Variants in PLA2G5 observed in about 807,000 individuals in gnomAD.
PLA2G5 encodes the protein phospholipase A2 group V.
A neutral mutation model predicts 15.9 loss-of-function variants in PLA2G5; 12 were observed. The observed-to-expected ratio is 0.76, with a 90% CI of 0.48 to 1.23. The LOEUF is 1.23. Ranked by LOEUF, PLA2G5 falls within the 50% of genes most tolerant of loss-of-function variation. The pLI is 0.00. For missense variants in PLA2G5, 169 were observed against 177.1 expected (o/e 0.95, Z 0.26); for synonymous variants, 71 against 71.4 (o/e 0.99, Z 0.03).
rs2016543561 is a variant in PLA2G5 at position 20,091,043 on chromosome 1, A to G, written c.*351A>G. The G allele has an allele frequency of 5.0e-6, 1 of 198,714 alleles. No individual in the cohort carries two copies. The highest frequency in any genetic ancestry group is 1.0e-5 in the Non-Finnish European group (1 of 97,476). The allele number at this position is 198,714 out of a possible 1,614,324, so 12.3% of individuals were successfully genotyped here. A position where few individuals can be genotyped will look rare whatever the true frequency, so the allele number is the denominator to read the frequency against. ...CTTTCCTGAGATGCACTTACTTCTCAGCTTCTGCGATCAGATTATCATCAC... is the reference window on the plus strand; with the variant it reads ...CTTTCCTGAGATGCACTTACTTCTCGGCTTCTGCGATCAGATTATCATCAC... On this transcript the variant is annotated 3_prime_UTR_variant, in exon 5 of 5. Transcript: ENST00000375108.
At chr1:20,064,507 G>A (rs1000215021) in intron 2 of PLA2G5, among the ~76,000 whole-genome samples, 13 of 152,024 alleles carry the variant, frequency 8.6e-5, no homozygotes, top group East Asian at 3.9e-4. Flanking sequence ...CCTGGGAGGC[G>A]GAGGTTGCAG....
chr1:20,069,123 A>G (rs1314413672), upstream of PLA2G5: 3 of 445,958 alleles, frequency 6.7e-6, no homozygotes, highest in African/African-American at 4.0e-5. Context: ...ATTGGGAAGA[A>G]TTGACAAATG....
At chr1:20,055,393 A>C (rs1367877245) in intron 1 of PLA2G5, among the ~76,000 whole-genome samples, 1 of 152,180 alleles carries the variant, frequency 6.6e-6, no homozygotes, top group Non-Finnish European at 1.5e-5. Context: ...TTGTAGCCAG[A>C]ATTCTGGACA....
chr1:20,071,052 G>C (rs1010506979), intron 1 of PLA2G5: 1 of 152,120 alleles, frequency 6.6e-6, no homozygotes, highest in South Asian at 2.1e-4. Flanking sequence ...CTAAGTATAC[G>C]TGGCCTCAGG....
chr1:20,079,551 C>T (rs1196179371), intron 1 of PLA2G5, among the ~76,000 whole-genome samples: 1 of 152,126 alleles, frequency 6.6e-6, no homozygotes, highest in Non-Finnish European at 1.5e-5. Context: ...TGCTTTGTTG[C>T]TCAGGCTAGA....
At chr1:20,062,895 G>T (rs766484887) in intron 2 of PLA2G5, among the ~76,000 whole-genome samples, 1 of 152,152 alleles carries the variant, frequency 6.6e-6, no homozygotes, top group Non-Finnish European at 1.5e-5. Context: ...CAAGCTGCTT[G>T]TCTGGGCCCC....
chr1:20,087,803 C>T (rs576412231), intron 3 of PLA2G5, among the ~76,000 whole-genome samples: 1 of 152,026 alleles, frequency 6.6e-6, no homozygotes, highest in East Asian at 1.9e-4. Flanking sequence ...CTTAAATAAA[C>T]GCAAACAAAA....
At chr1:20,060,103 G>A (rs1203624566) in intron 2 of PLA2G5, among the ~76,000 whole-genome samples, 2 of 152,114 alleles carry the variant, frequency 1.3e-5, no homozygotes, top group Admixed American at 6.6e-5. Context: ...ATAGGTTGGA[G>A]GTCAGCAGGG....
intron 2 of PLA2G5, among the ~76,000 whole-genome samples, chr1:20,060,532 C>T (rs919861013): frequency 2.6e-5 from 4 of 151,942 alleles, no homozygotes; most frequent in Non-Finnish European, 4.4e-5. Context: ...GTATTACAGA[C>T]GTGAGCCACC....
rs533947062 is a variant in PLA2G5 at position 20,070,374 on chromosome 1, G to A, written c.-102G>A. The A allele has an allele frequency of 3.0e-6, 3 of 985,468 alleles. No homozygotes were observed. The South Asian group carries it at 1.4e-4, about 46-fold the overall frequency. The allele number at this position is 985,468 out of a possible 1,614,324, so 61.0% of individuals were successfully genotyped here. On this transcript the variant is annotated 5_prime_UTR_variant, in exon 1 of 5. Transcript: ENST00000375108. Reference sequence around the variant, plus strand: ...TACCAATGTTCCGACTGGAGACGGGGAGCCCGCGAGACCCGGGTCTCCAGG... The same window carrying A: ...TACCAATGTTCCGACTGGAGACGGGAAGCCCGCGAGACCCGGGTCTCCAGG...
chr1:20,037,879 G>T (rs953144385), intron 1 of PLA2G5, among the ~76,000 whole-genome samples: 1 of 152,108 alleles, frequency 6.6e-6, no homozygotes, highest in Non-Finnish European at 1.5e-5. Context: ...TGGGAGCAGG[G>T]TTAGGCATGT....
Position 20,086,293 on chromosome 1 carries a change from C to A in PLA2G5, c.185+66C>A, listed in dbSNP as rs934257573. 6.0e-5 allele frequency: 91 copies of A among 1,511,464 alleles called. 1 individual carries two copies. In the Admixed American group the frequency reaches 1.3e-3, roughly 21 times the overall value. The allele number at this position is 1,511,464 out of a possible 1,614,324, so 93.6% of individuals were successfully genotyped here. A position where few individuals can be genotyped will look rare whatever the true frequency, so the allele number is the denominator to read the frequency against. ...TGCACCCATGTTTTCTTATTCAATT[C>A]CATATCAGTTCTGGAAGATGAGTAT... is the stretch of plus-strand genomic sequence containing the variant. On this transcript the variant is annotated intron_variant, in intron 3 of 4. Coordinates refer to ENST00000375108, the MANE Select transcript of PLA2G5 (RefSeq NM_000929.3).
rs528660046 is a variant in PLA2G5, at chr1:20,085,361, G to A, written c.40+491G>A. ...CCCCGTGACCGTATATACAACCCCC[G>A]ACAGGCTGTCCTGCTCCTTGATGTC... On this transcript the variant is annotated intron_variant, in intron 2 of 4. Coordinates refer to ENST00000375108, the MANE Select transcript of PLA2G5 (RefSeq NM_000929.3). 7.3e-4 allele frequency among the ~76,000 whole-genome samples: 111 copies of A among 152,156 alleles called. 1 individual carries two copies. The highest frequency in any genetic ancestry group is 7.7e-4 in the East Asian group (4 of 5,168).
At position 20,090,899 on chromosome 1, in the gene PLA2G5, G is replaced by C; in HGVS notation, c.*207G>C. The C allele has an allele frequency of 1.9e-6, 1 of 532,890 alleles. No individual in the cohort carries two copies. Among genetic ancestry groups the C allele is most frequent in the Non-Finnish European group, 3.3e-6 (1 of 299,958 alleles). 33.0% of individuals were successfully genotyped at this position (532,890 alleles called of 1,614,324 possible). ...GTCATAGGACTTGGTAGGGTCCCAG[G>C]GTCCCTAGGCCTCCACTTCTGAGGG... On this transcript the variant is annotated 3_prime_UTR_variant, in exon 5 of 5. Transcript: ENST00000375108.
chr1:20,051,734 C>T (rs549368729), intron 1 of PLA2G5, among the ~76,000 whole-genome samples: 1 of 152,144 alleles, frequency 6.6e-6, no homozygotes, highest in African/African-American at 2.4e-5. Flanking sequence ...AGGAATCAAA[C>T]TTGAGTTATG....
At chr1:20,042,827 G>T (rs1003128946) in intron 1 of PLA2G5, among the ~76,000 whole-genome samples, 2 of 152,142 alleles carry the variant, frequency 1.3e-5, no homozygotes, top group African/African-American at 4.8e-5. Context: ...GCTGAGATAG[G>T]TAATGGATGA....
At chr1:20,043,039 G>C (rs188813488) in intron 1 of PLA2G5, among the ~76,000 whole-genome samples, 3 of 152,108 alleles carry the variant, frequency 2.0e-5, no homozygotes, top group Admixed American at 2.0e-4. Flanking sequence ...AATGGGGGCT[G>C]TTCCTGAAGC....
chr1:20,041,850 C>T (rs1250716775), intron 1 of PLA2G5, among the ~76,000 whole-genome samples: 1 of 152,074 alleles, frequency 6.6e-6, no homozygotes, highest in Non-Finnish European at 1.5e-5. Context: ...CAGTGAGGGA[C>T]AGAAGTTGGA....
chr1:20,088,333 C>T (rs535005930), intron 3 of PLA2G5, among the ~76,000 whole-genome samples: 8 of 151,090 alleles, frequency 5.3e-5, no homozygotes, highest in African/African-American at 1.9e-4. Flanking sequence ...GCACTCCAGC[C>T]TGGGCGATGA....
Sources: allele counts gnomAD v4.1 joint callset (sites outside exome capture counted in the v4.1 genomes callset), GRCh38; gene constraint gnomAD v4.1.1; transcripts MANE v1.5; gene names NCBI Gene and HGNC (gene_info 2026-07-23, HGNC 2026-07-21).